CDC42BPB: variants seen among roughly 807,000 people sequenced by gnomAD.
CDC42BPB encodes the protein CDC42 binding protein kinase beta, also known as serine/threonine-protein kinase MRCK beta.
Under a neutral mutation model 214.9 loss-of-function variants are expected in CDC42BPB, and 37 were observed. That is an observed-to-expected ratio of 0.17 (90% CI 0.13 to 0.23). The LOEUF is 0.23. Ranked by LOEUF, CDC42BPB falls within the 10% of genes least tolerant of loss-of-function variation. The pLI is 1.00. For synonymous variants in CDC42BPB, 931 were observed against 884.0 expected, an observed-to-expected ratio of 1.05 and a Z score of -0.94; for missense variants, 1,694 against 2,227.0, an observed-to-expected ratio of 0.76 and a Z score of 4.82.
At chr14:102,994,580 G>A (rs1894641793) in intron 5 of CDC42BPB, among the ~76,000 whole-genome samples, 1 of 152,192 alleles carries the variant, frequency 6.6e-6, no homozygotes, top group Non-Finnish European at 1.5e-5. Flanking sequence ...TGGCACAGCG[G>A]GGAGCAGCGG....
chr14:102,971,782 C>A, intron 13 of CDC42BPB, 137 bp downstream of exon 13: 1 of 806,682 alleles, frequency 1.2e-6, no homozygotes. Context: ...AATAAATGCT[C>A]GGCCGATCAA....
At chr14:103,037,361 T>C (rs1300548374) in intron 1 of CDC42BPB, among the ~76,000 whole-genome samples, 3 of 152,026 alleles carry the variant, frequency 2.0e-5, no homozygotes, top group Non-Finnish European at 2.9e-5. Context: ...GGCACAATCA[T>C]AGCTGACTGC....
chr14:102,999,894 G>A (rs1328436615), intron 4 of CDC42BPB, 181 bp from the exon 5 acceptor site: 17 of 985,300 alleles, frequency 1.7e-5, no homozygotes, highest in Non-Finnish European at 1.8e-5. Flanking sequence ...CGTCCACGAC[G>A]CCGCCATCTT....
chr14:102,941,763 T>G (rs1891900864), intron 30 of CDC42BPB, among the ~76,000 whole-genome samples: 1 of 152,380 alleles, frequency 6.6e-6, no homozygotes, highest in Non-Finnish European at 1.5e-5. Context: ...ACGCGGCCCC[T>G]GTGGCCTTCA....
chr14:102,949,847 C>A lies in CDC42BPB; in HGVS notation c.3367G>T (p.Asp1123Tyr). 1 of 1,613,690 alleles carries A rather than the reference C, an allele frequency of 6.2e-7. No individual in the cohort carries two copies. The highest frequency in any genetic ancestry group is 1.1e-5 in the South Asian group (1 of 91,082). Residue 1123 changes from aspartate (D) to tyrosine (Y), a missense_variant, in exon 26 of 37, where the codon GAC becomes TAC. By Grantham distance (160) the Asp-to-Tyr change is radical. This residue lies in a region of CDC42BPB where 567 missense variants were observed against 790.3 expected (regional missense o/e 0.72). Transcript: ENST00000361246. ...GWQRAYAVVC[D>Y]CKLFLYDLPE... is the part of the protein sequence containing the mutation. ...AGATCATACAGGAAGAGCTTGCAGTCACAGACGACTGCATATGCGCGCTGC... is the reference window on the plus strand; with the variant it reads ...AGATCATACAGGAAGAGCTTGCAGTAACAGACGACTGCATATGCGCGCTGC...
Position 102,943,627 on chromosome 14 carries a change from C to T in CDC42BPB, c.4408+264G>A, listed in dbSNP as rs565968046. Among the ~76,000 whole-genome samples, 2 of 152,264 alleles carry T rather than the reference C, an allele frequency of 1.3e-5. No individual in the cohort carries two copies. The highest frequency in any genetic ancestry group is 4.8e-5 in the African/African-American group (2 of 41,562). On this transcript the variant is annotated intron_variant, in intron 30 of 36. Coordinates refer to ENST00000361246, the MANE Select transcript of CDC42BPB (RefSeq NM_006035.4). The surrounding 1 kb of genome is among the most constrained non-coding windows in gnomAD (Gnocchi z 4.6). ...CTTCTGCCCAGGGGCCTATGCCCGC[C>T]GACGGGGTCCTCTGCTGAGGCCTCT... is the stretch of plus-strand genomic sequence containing the variant.
At chr14:103,054,902 A>G (rs1888858739) in intron 1 of CDC42BPB, among the ~76,000 whole-genome samples, 1 of 152,274 alleles carries the variant, frequency 6.6e-6, no homozygotes, top group South Asian at 2.1e-4. Flanking sequence ...CCTCCAGGGA[A>G]GCCCACCAGT....
chr14:102,999,696 G>A lies in CDC42BPB; in HGVS notation c.465C>T (p.Tyr155=), dbSNP rs148437325. ...DENHLYLVMD[Y]YVGGDLLTLL... ...GGGTCAGTAAATCACCACCCACATA[G>A]TAATCCATGACTAAGTACTACAAAT... is the stretch of plus-strand genomic sequence containing the variant. The change falls in exon 5 of 37, where the codon TAC becomes TAT. Residue 155 remains tyrosine (Y), a synonymous_variant. Coordinates refer to ENST00000361246, the MANE Select transcript of CDC42BPB (RefSeq NM_006035.4). The A allele has an allele frequency of 6.8e-6, 11 of 1,614,004 alleles. No individual in the cohort carries two copies. The African/African-American group carries it at 1.5e-4, about 22-fold the overall frequency.
chr14:103,011,735 C>T (rs553953282), intron 2 of CDC42BPB, among the ~76,000 whole-genome samples: 2 of 152,282 alleles, frequency 1.3e-5, no homozygotes, highest in South Asian at 2.1e-4. Context: ...CAGTGCAAGA[C>T]GTCCATCTCA....
chr14:103,047,932 G>A (rs1272592644), intron 1 of CDC42BPB, among the ~76,000 whole-genome samples: 1 of 145,796 alleles, frequency 6.9e-6, no homozygotes, highest in Admixed American at 6.8e-5. Flanking sequence ...AGACAGACCT[G>A]GTTCAAAAAA....
chr14:102,968,328 T>C lies in CDC42BPB; in HGVS notation c.2271A>G (p.Thr757=), dbSNP rs56179261. 1.5e-5 allele frequency: 24 copies of C among 1,614,174 alleles called. No individual in the cohort carries two copies. In the East Asian group the frequency reaches 3.3e-4, roughly 22 times the overall value. The stretch of plus-strand genomic sequence containing the variant: ...TTTCTCGTTCGTATTTATCTTTTAT[T>C]GTACCTACTGCCTCCTCCATCTCGT... ...RHNEMEEAVG[T]IKDKYERERA... is the part of the protein sequence containing the mutation. The change falls in exon 16 of 37, where the codon ACA becomes ACG. Residue 757 remains threonine (T), a synonymous_variant. Transcript: ENST00000361246.
At chr14:102,969,816 A>G (rs1425114680) in intron 14 of CDC42BPB, among the ~76,000 whole-genome samples, 1 of 152,218 alleles carries the variant, frequency 6.6e-6, no homozygotes, top group Non-Finnish European at 1.5e-5. Flanking sequence ...ACTCAACTGC[A>G]CCGAATTTAG....
intron 1 of CDC42BPB, among the ~76,000 whole-genome samples, chr14:103,027,144 T>C (rs1887099606): frequency 6.6e-6 from 1 of 152,180 alleles, no homozygotes; most frequent in East Asian, 1.9e-4. Context: ...CAGACCTCAC[T>C]TCACACCCAC....
chr14:103,054,038 CATTT>C (rs1232097099), intron 1 of CDC42BPB, among the ~76,000 whole-genome samples: 1 of 151,900 alleles, frequency 6.6e-6, no homozygotes, highest in Non-Finnish European at 1.5e-5. Context: ...TTTATTTTGA[CATTT>C]ATTATAGATA....
intron 5 of CDC42BPB, among the ~76,000 whole-genome samples, chr14:102,995,457 G>T (rs1051907083): frequency 6.6e-6 from 1 of 152,200 alleles, no homozygotes; most frequent in Non-Finnish European, 1.5e-5. Context: ...TTACAGGCGT[G>T]AGCCACTGTG....
At chr14:102,945,411 T>TC in intron 29 of CDC42BPB, 1 of 548,506 alleles carries the variant, frequency 1.8e-6, no homozygotes, top group Non-Finnish European at 3.4e-6. Context: ...CTGTTCCTCC[T>TC]CCCAGGGGGC....
intron 21 of CDC42BPB, among the ~76,000 whole-genome samples, chr14:102,959,066 G>C (rs1003550474): frequency 6.6e-6 from 1 of 151,982 alleles, no homozygotes; most frequent in African/African-American, 2.4e-5. Flanking sequence ...GGAGGCCAAG[G>C]TGGGTGGATC....
Position 103,004,771 on chromosome 14 carries a change from A to AG in CDC42BPB, c.352-749dup, listed in dbSNP as rs943031257. 2.0e-5 allele frequency among the ~76,000 whole-genome samples: 3 copies of AG among 151,992 alleles called. No individual in the cohort carries two copies. Among genetic ancestry groups the AG allele is most frequent in the Admixed American group, 6.6e-5 (1 of 15,240 alleles). ...GTAATCCCAGCTACATGGGAGGCTG[A>AG]GGGGGGAGAACTGCTTGAGCCCAGG... On this transcript the variant is annotated intron_variant, in intron 3 of 36. Coordinates refer to ENST00000361246, the MANE Select transcript of CDC42BPB (RefSeq NM_006035.4). The surrounding 1 kb of genome is among the most constrained non-coding windows in gnomAD (Gnocchi z 5.3).
chr14:103,042,411 C>A (rs552115575), intron 1 of CDC42BPB, among the ~76,000 whole-genome samples: 1 of 152,006 alleles, frequency 6.6e-6, no homozygotes, highest in Admixed American at 6.6e-5. Flanking sequence ...CCCGGGTTCA[C>A]GCCGTTCTCC....
Sources: allele counts gnomAD v4.1 joint callset (sites outside exome capture counted in the v4.1 genomes callset), GRCh38; gene constraint gnomAD v4.1.1; regional missense constraint gnomAD v4.1.1; non-coding constraint Gnocchi (gnomAD v3.1); transcripts MANE v1.5; gene names NCBI Gene and HGNC (gene_info 2026-07-23, HGNC 2026-07-21).